KAT7: variants seen among roughly 807,000 people sequenced by gnomAD.
KAT7 encodes lysine acetyltransferase 7, also known as histone acetyltransferase KAT7.
KAT7 carries 10 observed loss-of-function variants against 82.1 expected under a neutral mutation model. That is an observed-to-expected ratio of 0.12 (90% CI 0.08 to 0.21). The LOEUF (loss-of-function observed/expected upper bound fraction) is 0.21. Among genes scored for constraint, KAT7 ranks in the 10% least tolerant of loss-of-function variants. KAT7 has a pLI of 1.00. For missense variants in KAT7, 378 were observed against 760.9 expected (o/e 0.50, Z 5.92); for synonymous variants, 250 against 262.5 (o/e 0.95, Z 0.46).
intron 7 of KAT7, among the ~76,000 whole-genome samples, chr17:49,814,693 C>A (rs137978710): frequency 0.014 from 2,063 of 151,894 alleles, 19 homozygotes; most frequent in Non-Finnish European, 0.022. Context: ...GATTAAAATG[C>A]TGGCTAGGAC....
chr17:49,803,906 T>A (rs190547035), intron 4 of KAT7, among the ~76,000 whole-genome samples: 45 of 151,850 alleles, frequency 3.0e-4, no homozygotes, highest in South Asian at 1.0e-3. Flanking sequence ...TTTTTTTTTT[T>A]ATGAAAGATG....
intron 13 of KAT7, 29 bp downstream of exon 13, chr17:49,826,175 A>G: frequency 6.2e-7 from 1 of 1,604,162 alleles, no homozygotes; most frequent in Non-Finnish European, 8.5e-7. Flanking sequence ...GGAATGGTTG[A>G]TTGTTACCCA....
intron 13 of KAT7, 65 bp downstream of exon 13, chr17:49,826,211 G>T: frequency 1.3e-6 from 2 of 1,497,004 alleles, no homozygotes; most frequent in South Asian, 1.2e-5. Flanking sequence ...TGGGTATTGT[G>T]TTTCCCCTGA....
At chr17:49,799,925 C>G (rs531356651) in intron 4 of KAT7, among the ~76,000 whole-genome samples, 39 of 151,952 alleles carry the variant, frequency 2.6e-4, no homozygotes, top group Admixed American at 8.5e-4. Flanking sequence ...CCCACTCAGC[C>G]TGCTGAGTAG....
intron 5 of KAT7, among the ~76,000 whole-genome samples, 174 bp downstream of exon 5, chr17:49,805,619 C>T (rs1462071419): frequency 6.6e-6 from 1 of 152,104 alleles, no homozygotes; most frequent in Non-Finnish European, 1.5e-5. Context: ...ACTAGTTAAA[C>T]AGACAAAAGA....
At position 49,821,750 on chromosome 17, in the gene KAT7, C is replaced by T. The variant is rs779896135; in HGVS notation, c.1346C>T (p.Ala449Val). The T allele has an allele frequency of 7.4e-6, 12 of 1,613,572 alleles. No homozygotes were observed. The highest frequency in any genetic ancestry group is 4.0e-5 in the African/African-American group (3 of 74,802). The stretch of plus-strand genomic sequence containing the variant: ...TTCCTGTTCTATGTTATGACAGAGG[C>T]GGACAACACTGGCTGTCACCTGATT... The part of the protein sequence containing the change: ...EPFLFYVMTE[A>V]DNTGCHLIGY... Residue 449 changes from alanine to valine, a missense_variant, in exon 11 of 15, where the codon GCG becomes GTG. By Grantham distance (64) the Ala-to-Val change is moderately conservative. Around this residue, in one of 6 missense-constraint regions of KAT7, gnomAD observed 20 missense variants for 142.4 expected, o/e 0.14. Transcript: ENST00000259021.
intron 9 of KAT7, among the ~76,000 whole-genome samples, chr17:49,820,529 T>A (rs1349750518): frequency 2.0e-5 from 3 of 152,146 alleles, no homozygotes; most frequent in African/African-American, 7.2e-5. Flanking sequence ...TCTGCCCACC[T>A]CAGCCTCCCA....
rs2074412880 is a variant in KAT7, at chr17:49,830,196, TTTTTTTTTTTTTAA to T, written c.*2695_*2708del. On this transcript the variant is annotated 3_prime_UTR_variant, in exon 15 of 15. Transcript: ENST00000259021. Reference sequence around the variant, plus strand: ...CCCGACCTATTTTTTTTTTTTTTTTTTTTTTTTTTTTTAAAAAAAGACAGTCTCACTCTATCATC... The same window carrying T: ...CCCGACCTATTTTTTTTTTTTTTTTTAAAAAGACAGTCTCACTCTATCATC... 1 of 139,666 alleles carries T rather than the reference TTTTTTTTTTTTTAA, an allele frequency of 7.2e-6. No individual in the cohort carries two copies. Among genetic ancestry groups the T allele is most frequent in the Admixed American group, 7.1e-5 (1 of 14,020 alleles). The allele number at this position is 139,666 out of a possible 1,614,324, so 8.7% of individuals were successfully genotyped here.
chr17:49,792,868 G>C (rs2073907900), intron 2 of KAT7, among the ~76,000 whole-genome samples: 1 of 152,148 alleles, frequency 6.6e-6, no homozygotes, highest in Non-Finnish European at 1.5e-5. Context: ...TTGGAGTGCA[G>C]TGGTGTGATC....
At chr17:49,802,158 C>T (rs2074032730) in intron 4 of KAT7, among the ~76,000 whole-genome samples, 1 of 152,068 alleles carries the variant, frequency 6.6e-6, no homozygotes, top group South Asian at 2.1e-4. Context: ...GTCTCATTGA[C>T]ATTTAGATTG....
chr17:49,819,394 G>T (rs970732928), intron 9 of KAT7, among the ~76,000 whole-genome samples: 1 of 152,174 alleles, frequency 6.6e-6, no homozygotes, highest in Non-Finnish European at 1.5e-5. Flanking sequence ...AGAAGGTGGG[G>T]CACTGATACA....
chr17:49,800,469 A>C (rs1350896414), intron 4 of KAT7, among the ~76,000 whole-genome samples: 1 of 152,226 alleles, frequency 6.6e-6, no homozygotes, highest in Non-Finnish European at 1.5e-5. Context: ...TAAGAAAGAC[A>C]ATATATTACA....
chr17:49,791,255 GT>G (rs2073884607), intron 1 of KAT7, among the ~76,000 whole-genome samples: 1 of 152,220 alleles, frequency 6.6e-6, no homozygotes, highest in African/African-American at 2.4e-5. Context: ...GCTACTCTAA[GT>G]TAAATGAGGT....
chr17:49,802,054 C>T, intron 4 of KAT7, among the ~76,000 whole-genome samples: 1 of 151,986 alleles, frequency 6.6e-6, no homozygotes, highest in East Asian at 1.9e-4. Flanking sequence ...TACATTTGTT[C>T]GTTGTACATC....
chr17:49,821,631 T>C lies in KAT7; in HGVS notation c.1246-19T>C. On this transcript the variant is annotated intron_variant, in intron 10 of 14. Transcript: ENST00000259021. ...AGGAATCAGTGGCCCACACATGAAC[T>C]CTGTTTCTCTGCTTCCAGATCTACT... The C allele has an allele frequency of 4.3e-6, 7 of 1,612,534 alleles. No homozygotes were observed. Among genetic ancestry groups the C allele is most frequent in the Non-Finnish European group, 5.9e-6 (7 of 1,179,936 alleles).
intron 2 of KAT7, among the ~76,000 whole-genome samples, chr17:49,793,174 C>A (rs1001246965): frequency 5.3e-5 from 8 of 152,162 alleles, no homozygotes; most frequent in African/African-American, 9.7e-5. Flanking sequence ...AGACTTAACC[C>A]CATTACAAGT....
At position 49,809,223 on chromosome 17, in the gene KAT7, A is replaced by G. The variant is rs759210470; in HGVS notation, c.753+15A>G. The stretch of plus-strand genomic sequence containing the variant: ...CCAGGCACCAGGTATGGGCCTTGTT[A>G]AAGCACTGGCCATTCATAGTTTGAG... On this transcript the variant is annotated intron_variant, in intron 6 of 14. Transcript: ENST00000259021. The G allele has an allele frequency of 2.0e-5, 32 of 1,598,694 alleles. No individual in the cohort carries two copies. In the Admixed American group the frequency reaches 4.0e-4, roughly 20 times the overall value.
chr17:49,818,742 G>GT (rs57232662), intron 9 of KAT7, among the ~76,000 whole-genome samples: 61 of 142,184 alleles, frequency 4.3e-4, no homozygotes, highest in East Asian at 1.6e-3. Context: ...ACTTTTTCTT[G>GT]TTTTTTTTTT....
intron 4 of KAT7, among the ~76,000 whole-genome samples, chr17:49,799,819 A>G (rs1316918343): frequency 2.7e-5 from 4 of 149,624 alleles, no homozygotes; most frequent in Admixed American, 6.6e-5. Flanking sequence ...CGTGGCTTTC[A>G]AGCTTGGCTT....
Sources: allele counts gnomAD v4.1 joint callset (sites outside exome capture counted in the v4.1 genomes callset), GRCh38; gene constraint gnomAD v4.1.1; regional missense constraint gnomAD v4.1.1; transcripts MANE v1.5; gene names NCBI Gene and HGNC (gene_info 2026-07-23, HGNC 2026-07-21).